STK10: variants seen among roughly 807,000 people sequenced by gnomAD.
STK10 encodes serine/threonine-protein kinase 10.
Under a neutral mutation model 113.8 loss-of-function variants are expected in STK10, and 78 were observed. That is an observed-to-expected ratio of 0.69 (90% CI 0.57 to 0.83). STK10 has a LOEUF of 0.83. Among genes scored for constraint, STK10 ranks in the 40% least tolerant of loss-of-function variants. STK10 has a pLI of 0.00. For missense variants in STK10, 1,109 were observed against 1,280.1 expected, an observed-to-expected ratio of 0.87 and a Z score of 2.04; for synonymous variants, 465 against 494.7, an observed-to-expected ratio of 0.94 and a Z score of 0.80.
intron 9 of STK10, among the ~76,000 whole-genome samples, chr5:172,091,047 C>T (rs1768692145): frequency 6.6e-6 from 1 of 151,838 alleles, no homozygotes; most frequent in Admixed American, 6.6e-5. Context: ...GCCTCAGCTT[C>T]CTCACCTGTT....
intron 3 of STK10, among the ~76,000 whole-genome samples, chr5:172,122,850 C>A (rs1335082668): frequency 6.6e-6 from 1 of 152,198 alleles, no homozygotes; most frequent in African/African-American, 2.4e-5. Flanking sequence ...GTCTCGATCT[C>A]CTGACCTCAT....
At chr5:172,160,474 CAA>C (rs1184957305) in intron 1 of STK10, among the ~76,000 whole-genome samples, 3 of 125,114 alleles carry the variant, frequency 2.4e-5, no homozygotes, top group African/African-American at 3.0e-5. Context: ...GATGCCATCT[CAA>C]AAAAAAAAAA....
At chr5:172,056,087 T>C (rs890077508) in intron 15 of STK10, among the ~76,000 whole-genome samples, 3 of 152,226 alleles carry the variant, frequency 2.0e-5, no homozygotes, top group African/African-American at 4.8e-5. Context: ...TTACCATTAG[T>C]GATGGCAGAT....
intron 1 of STK10, among the ~76,000 whole-genome samples, chr5:172,181,465 A>G (rs1237842379): frequency 6.6e-6 from 1 of 150,676 alleles, no homozygotes; most frequent in African/African-American, 2.5e-5. Context: ...TGCCTGGCAT[A>G]CGATTATTTA....
rs57963957 is a variant in STK10 at position 172,078,947 on chromosome 5, C to CCACACACA, written c.1989+3371_1989+3378dup. 3.8e-3 allele frequency among the ~76,000 whole-genome samples: 551 copies of CCACACACA among 144,726 alleles called. 2 individuals are homozygous for CCACACACA. Among genetic ancestry groups the CCACACACA allele is most frequent in the African/African-American group, 0.013 (520 of 39,706 alleles). The allele number at this position is 144,726 out of a possible 152,430, so 94.9% of individuals were successfully genotyped here. On this transcript the variant is annotated intron_variant, in intron 12 of 18. Transcript: ENST00000176763. ...TCCTCTCTCTCCCACTCTTATAAGT[C>CCACACACA]CACACACACACACACACACACACAC...
chr5:172,056,958 A>AAGGAAAGAAAAGAAAGAAAGAAAGAAG (rs1561789988), intron 15 of STK10: 1 of 78,398 alleles, frequency 1.3e-5, no homozygotes, highest in Non-Finnish European at 2.5e-5. Flanking sequence ...AAAGAAGGAA[A>AAGGAAAGAAAAGAAAGAAAGAAAGAAG]GAAAGAAAGA....
At chr5:172,125,742 G>A (rs1428186454) in intron 3 of STK10, among the ~76,000 whole-genome samples, 1 of 152,176 alleles carries the variant, frequency 6.6e-6, no homozygotes, top group African/African-American at 2.4e-5. Flanking sequence ...GTTTATGCTT[G>A]CAAAGTATGT....
intron 15 of STK10, among the ~76,000 whole-genome samples, chr5:172,056,828 G>A (rs1399557450): frequency 6.6e-6 from 1 of 150,422 alleles, no homozygotes; most frequent in Admixed American, 6.7e-5. Flanking sequence ...GAGCCTAGAT[G>A]GCGCCACTGC....
At chr5:172,186,263 G>C (rs915871673) in intron 1 of STK10, among the ~76,000 whole-genome samples, 1 of 151,900 alleles carries the variant, frequency 6.6e-6, no homozygotes, top group African/African-American at 2.4e-5. Context: ...GCAATAGAGT[G>C]AGACTCCGTC....
At chr5:172,158,453 C>T (rs973148267) in intron 1 of STK10, among the ~76,000 whole-genome samples, 1 of 152,070 alleles carries the variant, frequency 6.6e-6, no homozygotes, top group Non-Finnish European at 1.5e-5. Context: ...CATGGTGAAA[C>T]CCCATCTCAC....
At chr5:172,138,408 CA>C (rs1769913143) in intron 2 of STK10, among the ~76,000 whole-genome samples, 1 of 152,134 alleles carries the variant, frequency 6.6e-6, no homozygotes. Context: ...AGGCATGAGC[CA>C]CTGCGCCCAG....
rs1768757489 is a variant in STK10 at position 172,093,152 on chromosome 5, C to T, written c.1554+260G>A. 6.6e-6 allele frequency among the ~76,000 whole-genome samples: 1 copy of T among 152,172 alleles called. No homozygotes were observed. Among genetic ancestry groups the T allele is most frequent in the Non-Finnish European group, 1.5e-5 (1 of 68,034 alleles). The stretch of plus-strand genomic sequence containing the variant: ...GACAGAACTTCATTTGTAGCTAAGG[C>T]CTAAGAGTTCTCTCTCCCAAATTTT... On this transcript the variant is annotated intron_variant, in intron 9 of 18. Transcript: ENST00000176763. This position sits in a 1 kb window ranked among gnomAD's most constrained non-coding sequence, Gnocchi z 4.1.
chr5:172,162,097 T>G (rs1300404921), intron 1 of STK10, among the ~76,000 whole-genome samples: 3 of 152,086 alleles, frequency 2.0e-5, no homozygotes, highest in African/African-American at 7.2e-5. Context: ...TCCCAGCACT[T>G]TGGGAGGTCG....
chr5:172,184,815 G>A (rs761481907), intron 1 of STK10, among the ~76,000 whole-genome samples: 14 of 151,926 alleles, frequency 9.2e-5, no homozygotes, highest in South Asian at 2.1e-4. Context: ...ACCACACCCG[G>A]CTAATTTTTT....
intron 10 of STK10, among the ~76,000 whole-genome samples, chr5:172,089,359 C>T (rs1050827057): frequency 2.9e-5 from 4 of 139,938 alleles, no homozygotes; most frequent in African/African-American, 1.2e-4. Flanking sequence ...ATTTGGGTCA[C>T]CACCTTGTCT....
At chr5:172,055,450 A>G (rs927260501) in intron 16 of STK10, 138 bp downstream of exon 16, 18 of 944,098 alleles carry the variant, frequency 1.9e-5, no homozygotes, top group Non-Finnish European at 2.5e-5. Flanking sequence ...TCGGCCTCTC[A>G]AAGTGTTGGG....
At chr5:172,158,488 G>A (rs1189283644) in intron 1 of STK10, among the ~76,000 whole-genome samples, 2 of 152,058 alleles carry the variant, frequency 1.3e-5, no homozygotes, top group African/African-American at 2.4e-5. Flanking sequence ...TTAGCCGGGC[G>A]TGGTGGTGGG....
At chr5:172,154,536 C>T (rs1473768695) in intron 2 of STK10, among the ~76,000 whole-genome samples, 3 of 152,118 alleles carry the variant, frequency 2.0e-5, no homozygotes, top group African/African-American at 7.2e-5. Flanking sequence ...GTCTAAAAGG[C>T]AAATCGGAGG....
chr5:172,068,876 C>T (rs1281516075), intron 12 of STK10, among the ~76,000 whole-genome samples: 1 of 144,928 alleles, frequency 6.9e-6, no homozygotes. Flanking sequence ...CAGAGCAAGA[C>T]TCTGCCTCAA....
Sources: allele counts gnomAD v4.1 joint callset (sites outside exome capture counted in the v4.1 genomes callset), GRCh38; gene constraint gnomAD v4.1.1; non-coding constraint Gnocchi (gnomAD v3.1); transcripts MANE v1.5; gene names NCBI Gene and HGNC (gene_info 2026-07-23, HGNC 2026-07-21).